POMGNT1: variants seen among roughly 807,000 people sequenced by gnomAD.
POMGNT1 encodes protein O-linked mannose N-acetylglucosaminyltransferase 1 (beta 1,2-).
A neutral mutation model predicts 95.6 loss-of-function variants in POMGNT1; 67 were observed. That is an observed-to-expected ratio of 0.70 (90% CI 0.58 to 0.86). POMGNT1 has a LOEUF of 0.86. POMGNT1 is among the 40% of genes least tolerant of loss of function. The probability of loss-of-function intolerance (pLI) is 0.00; values close to 1 mark genes in which losing one functional copy is unlikely to be tolerated. For synonymous variants in POMGNT1, 298 were observed against 317.9 expected (o/e 0.94, Z 0.66); for missense variants, 719 against 855.2 (o/e 0.84, Z 1.99).
chr1:46,207,126 G>A (rs778973651), intron 1 of POMGNT1, among the ~76,000 whole-genome samples: 17 of 151,848 alleles, frequency 1.1e-4, no homozygotes, highest in Admixed American at 7.2e-4. Context: ...CATCACCCAG[G>A]CTGGAGTGCA....
intron 2 of POMGNT1, chr1:46,197,444 G>C (rs1334114143): frequency 1.3e-6 from 2 of 1,491,724 alleles, no homozygotes; most frequent in Non-Finnish European, 1.8e-6. Context: ...GCCTCACAGG[G>C]GTGTGCCTCT....
intron 2 of POMGNT1, chr1:46,197,405 G>A: frequency 6.7e-7 from 1 of 1,490,204 alleles, no homozygotes; most frequent in Non-Finnish European, 8.9e-7. Flanking sequence ...ACCCAAGCGG[G>A]GGATCAGACC....
intron 1 of POMGNT1, chr1:46,203,669 G>A: frequency 6.4e-7 from 1 of 1,559,196 alleles, no homozygotes; most frequent in Non-Finnish European, 8.7e-7. Flanking sequence ...CCCTAGTGTA[G>A]GGCCGGGAGG....
chr1:46,202,592 G>C (rs888688905), upstream of POMGNT1, among the ~76,000 whole-genome samples: 2 of 151,120 alleles, frequency 1.3e-5, no homozygotes, highest in African/African-American at 4.9e-5. Context: ...CTACTCAGGA[G>C]GCAGAGGCAG....
intron 19 of POMGNT1, 49 bp from the exon 20 acceptor site, chr1:46,190,038 G>A (rs771350263): frequency 2.5e-6 from 4 of 1,608,910 alleles, no homozygotes; most frequent in Non-Finnish European, 3.4e-6. Flanking sequence ...CCACTTCATG[G>A]GTGTGTCCCA....
upstream of POMGNT1, among the ~76,000 whole-genome samples, chr1:46,201,841 T>C (rs1050342631): frequency 6.6e-6 from 1 of 151,394 alleles, no homozygotes; most frequent in African/African-American, 2.4e-5. Context: ...ATGTTTAAAA[T>C]TGAGAAGTAG....
intron 1 of POMGNT1, among the ~76,000 whole-genome samples, chr1:46,205,003 A>G (rs774529049): frequency 9.2e-5 from 14 of 152,112 alleles, no homozygotes; most frequent in Non-Finnish European, 1.9e-4. Flanking sequence ...CACGCCTGTA[A>G]TCCCAGCACT....
chr1:46,202,119 A>AC (rs907108448), upstream of POMGNT1, among the ~76,000 whole-genome samples: 1 of 150,776 alleles, frequency 6.6e-6, no homozygotes, highest in Non-Finnish European at 1.5e-5. Context: ...AAAAAAAAAA[A>AC]CTAAAAGTTA....
chr1:46,189,458 G>A lies in POMGNT1; in HGVS notation c.1895C>T (p.Ser632Leu), dbSNP rs200471699. 5.0e-6 allele frequency: 8 copies of A among 1,613,456 alleles called. No homozygotes were observed. In the African/African-American group the frequency reaches 5.3e-5, roughly 11 times the overall value. Residue 632 changes from serine (S) to leucine (L), a missense_variant and splice_region_variant, in exon 21 of 22, where the codon TCA becomes TTA. Physicochemically the swap from Ser to Leu is moderately radical, Grantham distance 145 (BLOSUM62 -2). Around this residue, in one of 5 missense-constraint regions of POMGNT1, gnomAD observed 130 missense variants for 149.2 expected, o/e 0.87. Coordinates refer to ENST00000371984, the MANE Select transcript of POMGNT1 (RefSeq NM_017739.4). The stretch of plus-strand genomic sequence containing the variant: ...CCCAGGGCAGAAAAGGGTCACTCAC[G>A]AGTAGGGGGAAGCCGGGACCCCCAC... ...LMVGVPASPY[S>L]VKKPPSVTPI...
At position 46,193,230 on chromosome 1, in the gene POMGNT1, G is replaced by A; in HGVS notation, c.1111-15C>T. 1 of 1,614,152 alleles carries A rather than the reference G, an allele frequency of 6.2e-7. No homozygotes were observed. The highest frequency in any genetic ancestry group is 8.5e-7 in the Non-Finnish European group (1 of 1,180,022). On this transcript the variant is annotated splice_polypyrimidine_tract_variant and intron_variant, in intron 12 of 21. Coordinates refer to ENST00000371984, the MANE Select transcript of POMGNT1 (RefSeq NM_017739.4). ...GCCTTGTAGTGCTGGGAGTGGGGTG[G>A]GAATAGGGCACATGAGCTTTAGGGT...
At chr1:46,207,339 C>G (rs565294474) in intron 1 of POMGNT1, among the ~76,000 whole-genome samples, 1 of 152,162 alleles carries the variant, frequency 6.6e-6, no homozygotes. Context: ...CTCAGCCTCC[C>G]AAAGTGCTGG....
At chr1:46,216,412 G>A (rs1334048537) in intron 1 of POMGNT1, among the ~76,000 whole-genome samples, 1 of 152,016 alleles carries the variant, frequency 6.6e-6, no homozygotes, top group Non-Finnish European at 1.5e-5. Context: ...CACCACCATG[G>A]ATCACTGCAG....
Position 46,190,470 on chromosome 1 carries a change from T to C in POMGNT1, c.1649+3A>G, listed in dbSNP as rs928708431. On this transcript the variant is annotated splice_donor_region_variant and intron_variant, in intron 19 of 21. Coordinates refer to ENST00000371984, the MANE Select transcript of POMGNT1 (RefSeq NM_017739.4). ...GCTACACCCCAATTGTCCTAGGCCA[T>C]ACCTGAGCAGCCTGTGAACTTCCAC... The C allele has an allele frequency of 1.9e-6, 3 of 1,592,738 alleles. No individual in the cohort carries two copies. The highest frequency in any genetic ancestry group is 2.6e-6 in the Non-Finnish European group (3 of 1,160,506).
chr1:46,203,329 C>T (rs1449179908), upstream of POMGNT1: 2 of 1,108,974 alleles, frequency 1.8e-6, no homozygotes, highest in East Asian at 3.0e-5. Context: ...GGGCGGGGAC[C>T]CACCGGTTTT....
At chr1:46,201,337 CTCTA>C (rs1435387429), upstream of POMGNT1, among the ~76,000 whole-genome samples, 1 of 151,836 alleles carries the variant, frequency 6.6e-6, no homozygotes, top group African/African-American at 2.4e-5. Context: ...CATAGCGAGA[CTCTA>C]TCTAAATTTT....
At chr1:46,210,276 G>GT (rs1175546521) in intron 1 of POMGNT1, among the ~76,000 whole-genome samples, 1 of 151,928 alleles carries the variant, frequency 6.6e-6, no homozygotes, top group African/African-American at 2.4e-5. Flanking sequence ...GTGTGTGTGT[G>GT]TTTTTTTAAT....
intron 1 of POMGNT1, among the ~76,000 whole-genome samples, chr1:46,215,742 A>G (rs563353099): frequency 6.6e-6 from 1 of 152,142 alleles, no homozygotes; most frequent in Non-Finnish European, 1.5e-5. Flanking sequence ...ACAAAAAAAA[A>G]TTTAAAAATT....
chr1:46,189,028 TA>T lies in POMGNT1; in HGVS notation c.*241del, dbSNP rs1557668219. The T allele has an allele frequency of 1.3e-6, 2 of 1,575,234 alleles. No homozygotes were observed. Among genetic ancestry groups the T allele is most frequent in the Non-Finnish European group, 1.7e-6 (2 of 1,162,128 alleles). The stretch of plus-strand genomic sequence containing the variant: ...GGGCAGGATGAGCTGCTAGGGATCG[TA>T]ATGATTCCCAGGTACTCTCCTGCCC... On this transcript the variant is annotated 3_prime_UTR_variant, in exon 22 of 22. Transcript: ENST00000371984.
chr1:46,207,460 G>A (rs1658751732), intron 1 of POMGNT1, among the ~76,000 whole-genome samples: 1 of 151,972 alleles, frequency 6.6e-6, no homozygotes, highest in Non-Finnish European at 1.5e-5. Context: ...TTAGGTTATG[G>A]CCCTCTAGGT....
Sources: allele counts gnomAD v4.1 joint callset (sites outside exome capture counted in the v4.1 genomes callset), GRCh38; gene constraint gnomAD v4.1.1; regional missense constraint gnomAD v4.1.1; transcripts MANE v1.5; gene names NCBI Gene and HGNC (gene_info 2026-07-23, HGNC 2026-07-21).